Variants in NELL1 observed in about 807,000 individuals in gnomAD.
NELL1 encodes protein kinase C-binding protein NELL1.
In NELL1, 76 loss-of-function variants were observed where a neutral mutation model predicts 107.4. The observed-to-expected ratio is 0.71, with a 90% CI of 0.59 to 0.86. The LOEUF is 0.86. NELL1 is among the 40% of genes least tolerant of loss of function. The pLI is 0.00. For synonymous variants in NELL1, 353 were observed against 341.2 expected (o/e 1.03, Z -0.38); for missense variants, 1,024 against 1,005.5 (o/e 1.02, Z -0.25).
chr11:20,680,622 C>T (rs764478763), intron 2 of NELL1, among the ~76,000 whole-genome samples: 1 of 152,158 alleles, frequency 6.6e-6, no homozygotes, highest in Non-Finnish European at 1.5e-5. Context: ...GTCACTGGTC[C>T]CAGACAATTG....
At chr11:20,928,740 G>A (rs983439605) in intron 9 of NELL1, among the ~76,000 whole-genome samples, 2 of 151,980 alleles carry the variant, frequency 1.3e-5, no homozygotes, top group Non-Finnish European at 2.9e-5. Context: ...TGGAAGGAAC[G>A]TGTGTTCACA....
Position 20,928,811 on chromosome 11 carries a change from G to C in NELL1, c.997+332G>C, listed in dbSNP as rs560845841. On this transcript the variant is annotated intron_variant, in intron 9 of 19. Transcript: ENST00000357134. ...TGATCTGTGAATTTACAACTCCAAA[G>C]CTCCATAGGCTTTAGTCCCCTCATT... 2.6e-5 allele frequency among the ~76,000 whole-genome samples: 4 copies of C among 152,234 alleles called. No individual in the cohort carries two copies. In the South Asian group the frequency reaches 8.3e-4, roughly 32 times the overall value.
At chr11:21,087,997 C>A (rs560430371) in intron 12 of NELL1, among the ~76,000 whole-genome samples, 2 of 151,880 alleles carry the variant, frequency 1.3e-5, no homozygotes, top group East Asian at 3.9e-4. Flanking sequence ...CCTAATTCCC[C>A]AAAGCAAATT....
chr11:20,710,296 G>A (rs1413883234), intron 2 of NELL1, among the ~76,000 whole-genome samples: 1 of 152,100 alleles, frequency 6.6e-6, no homozygotes, highest in Non-Finnish European at 1.5e-5. Context: ...TTTTCTGCAT[G>A]TATTCAGATG....
At chr11:21,037,217 G>A (rs1853113214) in intron 12 of NELL1, among the ~76,000 whole-genome samples, 1 of 148,562 alleles carries the variant, frequency 6.7e-6, no homozygotes. Flanking sequence ...AGCCAATTTT[G>A]TAACTTAATT....
chr11:21,072,334 T>G (rs1400508442), intron 12 of NELL1, among the ~76,000 whole-genome samples: 1 of 152,142 alleles, frequency 6.6e-6, no homozygotes, highest in East Asian at 1.9e-4. Flanking sequence ...ACAATCCAAG[T>G]TGAAATATGG....
At chr11:21,501,350 T>C (rs1447344726) in intron 15 of NELL1, among the ~76,000 whole-genome samples, 2 of 152,204 alleles carry the variant, frequency 1.3e-5, no homozygotes, top group African/African-American at 4.8e-5. Flanking sequence ...GGTAAATTGC[T>C]GGGGTAGGCG....
At position 20,842,006 on chromosome 11, in the gene NELL1, C is replaced by T. The variant is rs115664381; in HGVS notation, c.336-5577C>T. ...GAGACCCCTGGTCTAAGGTGGGGCA[C>T]GGTATACCTGCCTTGTGTTGTTGGC... is the stretch of plus-strand genomic sequence containing the variant. On this transcript the variant is annotated intron_variant, in intron 3 of 19. Transcript: ENST00000357134. Among the ~76,000 whole-genome samples, 1,281 of 152,212 alleles carry T rather than the reference C, an allele frequency of 8.4e-3. 18 individuals are homozygous for T. Among genetic ancestry groups the T allele is most frequent in the African/African-American group, 0.029 (1,206 of 41,528 alleles).
intron 15 of NELL1, among the ~76,000 whole-genome samples, chr11:21,443,813 C>T (rs957429393): frequency 2.8e-4 from 42 of 151,080 alleles, no homozygotes; most frequent in African/African-American, 1.0e-3. Flanking sequence ...TTACACCCTG[C>T]ACTCTACTGC....
intron 14 of NELL1, among the ~76,000 whole-genome samples, chr11:21,361,484 GA>G (rs1234967134): frequency 6.6e-6 from 1 of 151,950 alleles, no homozygotes; most frequent in African/African-American, 2.4e-5. Flanking sequence ...TTTTTGTGAT[GA>G]ATTTTCCAGG....
At chr11:21,513,363 T>C (rs1015084734) in intron 15 of NELL1, among the ~76,000 whole-genome samples, 5 of 152,208 alleles carry the variant, frequency 3.3e-5, no homozygotes, top group Admixed American at 3.3e-4. Context: ...AAAGAAGTCA[T>C]TCCTCAGTGA....
At chr11:21,260,950 G>A (rs749813758) in intron 14 of NELL1, among the ~76,000 whole-genome samples, 5 of 151,738 alleles carry the variant, frequency 3.3e-5, no homozygotes, top group Non-Finnish European at 7.4e-5. Context: ...TTAAGTGGAG[G>A]GAGGTTAGAA....
chr11:20,957,643 C>A (rs12271749), intron 11 of NELL1, among the ~76,000 whole-genome samples: 24,792 of 151,816 alleles, frequency 0.16, 2,639 homozygotes, highest in African/African-American at 0.27. Flanking sequence ...TGTTTAAAGA[C>A]ATTTTTTAAA....
intron 16 of NELL1, among the ~76,000 whole-genome samples, chr11:21,546,718 A>AATTATG (rs1856452462): frequency 6.6e-6 from 1 of 151,972 alleles, no homozygotes; most frequent in African/African-American, 2.4e-5. Flanking sequence ...TTTCTTTGTA[A>AATTATG]ATTACGCAGT....
At chr11:21,422,162 A>G (rs908086969) in intron 15 of NELL1, among the ~76,000 whole-genome samples, 15 of 151,860 alleles carry the variant, frequency 9.9e-5, no homozygotes, top group Admixed American at 3.9e-4. Context: ...AGAGAGAGAG[A>G]AGAAGAGAGA....
At chr11:21,042,353 G>A (rs942866227) in intron 12 of NELL1, among the ~76,000 whole-genome samples, 3 of 152,170 alleles carry the variant, frequency 2.0e-5, no homozygotes, top group Admixed American at 6.5e-5. Context: ...TTTCAGGGCA[G>A]TGGGCCATAG....
chr11:20,674,138 G>T (rs927658155), intron 1 of NELL1, among the ~76,000 whole-genome samples: 5 of 152,172 alleles, frequency 3.3e-5, no homozygotes, highest in African/African-American at 1.2e-4. Flanking sequence ...TCACTTTTGA[G>T]TTGCGGGCAG....
intron 15 of NELL1, among the ~76,000 whole-genome samples, chr11:21,489,441 T>G (rs994631542): frequency 7.1e-6 from 1 of 140,448 alleles, no homozygotes; most frequent in African/African-American, 2.6e-5. Flanking sequence ...TAACTTGTTA[T>G]CTGAGGCCAA....
intron 4 of NELL1, among the ~76,000 whole-genome samples, chr11:20,849,412 C>T (rs565597283): frequency 3.3e-5 from 5 of 152,254 alleles, no homozygotes; most frequent in African/African-American, 1.2e-4. Context: ...GTTATTTACT[C>T]TGCATATCAA....
Sources: allele counts gnomAD v4.1 joint callset (sites outside exome capture counted in the v4.1 genomes callset), GRCh38; gene constraint gnomAD v4.1.1; transcripts MANE v1.5; gene names NCBI Gene and HGNC (gene_info 2026-07-23, HGNC 2026-07-21).